EML4: variants seen among roughly 807,000 people sequenced by gnomAD.
EML4 encodes the protein EMAP like 4.
A neutral mutation model predicts 129.0 loss-of-function variants in EML4; 72 were observed. The ratio of observed to expected loss-of-function variants is 0.56; its 90% CI spans 0.46 to 0.68. EML4 has a LOEUF of 0.68. Ranked by LOEUF, EML4 falls within the 30% of genes least tolerant of loss-of-function variation. The probability of loss-of-function intolerance (pLI) is 0.00; values close to 1 mark genes in which losing one functional copy is unlikely to be tolerated. For synonymous variants in EML4, 532 were observed against 405.0 expected (o/e 1.31, Z -3.77); for missense variants, 1,363 against 1,190.6 (o/e 1.14, Z -2.13).
intron 21 of EML4, among the ~76,000 whole-genome samples, chr2:42,327,707 T>A (rs753148991): frequency 1.3e-5 from 2 of 152,228 alleles, no homozygotes; most frequent in Non-Finnish European, 2.9e-5. Context: ...GGTTAGAAGA[T>A]AGATGGAAAA....
At chr2:42,250,226 G>A (rs1675672678) in intron 2 of EML4, among the ~76,000 whole-genome samples, 1 of 152,192 alleles carries the variant, frequency 6.6e-6, no homozygotes, top group South Asian at 2.1e-4. Flanking sequence ...ATTGCCACTT[G>A]AGAAACGAAA....
chr2:42,217,407 T>TG (rs1673266527), intron 1 of EML4, among the ~76,000 whole-genome samples: 1 of 152,192 alleles, frequency 6.6e-6, no homozygotes, highest in South Asian at 2.1e-4. Context: ...AAAAAATTCT[T>TG]ATATAACCCA....
intron 6 of EML4, among the ~76,000 whole-genome samples, chr2:42,268,236 A>G (rs1328723703): frequency 6.6e-6 from 1 of 152,140 alleles, no homozygotes; most frequent in Non-Finnish European, 1.5e-5. Flanking sequence ...TTTTGTCATA[A>G]TTCCCTAAAC....
intron 1 of EML4, among the ~76,000 whole-genome samples, chr2:42,180,335 A>G (rs777282137): frequency 2.6e-5 from 4 of 152,158 alleles, no homozygotes; most frequent in African/African-American, 4.8e-5. Flanking sequence ...CAACAGACAT[A>G]TTTTGTTTGG....
chr2:42,257,640 C>T (rs552396092), intron 3 of EML4, among the ~76,000 whole-genome samples: 1 of 152,192 alleles, frequency 6.6e-6, no homozygotes, highest in East Asian at 1.9e-4. Context: ...TCGAGACCAT[C>T]CTGGCTAACA....
At chr2:42,300,719 T>G (rs1266187998) in intron 13 of EML4, among the ~76,000 whole-genome samples, 1 of 152,190 alleles carries the variant, frequency 6.6e-6, no homozygotes, top group Non-Finnish European at 1.5e-5. Flanking sequence ...CGTTAAACGT[T>G]GTGACTGTTA....
rs557371273 is a variant in EML4, at chr2:42,300,850, A to G, written c.1490-391A>G. Among the ~76,000 whole-genome samples the G allele has an allele frequency of 1.4e-4, 21 of 152,134 alleles. No individual in the cohort carries two copies. In the South Asian group the frequency reaches 4.2e-3, roughly 30 times the overall value. On this transcript the variant is annotated intron_variant, in intron 13 of 22. Transcript: ENST00000318522. The stretch of plus-strand genomic sequence containing the variant: ...GTGGTATCCCCTAAGCTGCTCCTGT[A>G]CCTCTTGTGTCTTGAGCTCTCATAT...
Position 42,288,332 on chromosome 2 carries a change from T to A in EML4, c.1218+10T>A. 7.2e-7 allele frequency: 1 copy of A among 1,383,254 alleles called. No individual in the cohort carries two copies. The highest frequency in any genetic ancestry group is 2.4e-5 in the East Asian group (1 of 42,342). 85.7% of individuals were successfully genotyped at this position (1,383,254 alleles called of 1,614,324 possible). A position where few individuals can be genotyped will look rare whatever the true frequency, so the allele number is the denominator to read the frequency against. On this transcript the variant is annotated intron_variant, in intron 11 of 22. Coordinates refer to ENST00000318522, the MANE Select transcript of EML4 (RefSeq NM_019063.5). ...AGGAGCAGAAATAAAGGTAAATTTT[T>A]AAAAAACCGAGTATTGTGTTTTAGA...
At chr2:42,288,077 A>G (rs1163153820) in intron 10 of EML4, 150 bp from the exon 11 acceptor site, 7 of 409,772 alleles carry the variant, frequency 1.7e-5, no homozygotes, top group Non-Finnish European at 2.6e-5. Context: ...AATTGTAGTA[A>G]ATAGTGTATT....
chr2:42,196,166 T>TCATTCAGTCATTAATGAGTGAATTAATA (rs1487728145), intron 1 of EML4, among the ~76,000 whole-genome samples: 3 of 152,220 alleles, frequency 2.0e-5, no homozygotes, highest in African/African-American at 2.4e-5. Flanking sequence ...ACCCTAGCGT[T>TCATTCAGTCATTAATGAGTGAATTAATA]CATTCAGTCA....
intron 1 of EML4, among the ~76,000 whole-genome samples, chr2:42,213,908 A>G (rs1433929573): frequency 6.6e-6 from 1 of 152,224 alleles, no homozygotes; most frequent in East Asian, 1.9e-4. Flanking sequence ...ATGCAGTTAT[A>G]ATTTGTAAGC....
chr2:42,247,371 A>C (rs2104310676), intron 2 of EML4, among the ~76,000 whole-genome samples: 1 of 152,304 alleles, frequency 6.6e-6, no homozygotes, highest in South Asian at 2.1e-4. Flanking sequence ...AGACATTTGA[A>C]AGAGATGCTG....
rs76197262 is a variant in EML4 at position 42,176,586 on chromosome 2, A to G, written c.25+6950A>G. 3.3e-3 allele frequency among the ~76,000 whole-genome samples: 507 copies of G among 152,254 alleles called. 12 individuals are homozygous for G. The East Asian group carries it at 0.076, about 23-fold the overall frequency. On this transcript the variant is annotated intron_variant, in intron 1 of 22. Coordinates refer to ENST00000318522, the MANE Select transcript of EML4 (RefSeq NM_019063.5). ...TGATGACTATTCTCAGTACCCTTCA[A>G]GGCTCAACTCAAATATTATTTCCTT...
chr2:42,296,477 T>TCTCTCTC (rs1553388818), intron 13 of EML4, among the ~76,000 whole-genome samples: 1 of 148,920 alleles, frequency 6.7e-6, no homozygotes, highest in Non-Finnish European at 1.5e-5. Flanking sequence ...CACCTTATAC[T>TCTCTCTC]TCTCTCTCTC....
At chr2:42,215,747 A>G (rs1480218552) in intron 1 of EML4, among the ~76,000 whole-genome samples, 3 of 152,166 alleles carry the variant, frequency 2.0e-5, no homozygotes, top group Non-Finnish European at 2.9e-5. Flanking sequence ...GGACGGTTAG[A>G]AAATATAAAG....
intron 17 of EML4, among the ~76,000 whole-genome samples, chr2:42,310,066 C>A (rs1668848777): frequency 6.6e-6 from 1 of 152,186 alleles, no homozygotes; most frequent in African/African-American, 2.4e-5. Context: ...TATTCAGTTA[C>A]AGCACCATTT....
intron 5 of EML4, among the ~76,000 whole-genome samples, chr2:42,264,027 C>T (rs1246654566): frequency 4.0e-5 from 6 of 151,768 alleles, no homozygotes; most frequent in Admixed American, 1.3e-4. Flanking sequence ...CCGTGCCAGC[C>T]TGGTGTATGT....
chr2:42,258,887 A>C (rs1665530323), intron 3 of EML4, among the ~76,000 whole-genome samples: 1 of 152,218 alleles, frequency 6.6e-6, no homozygotes, highest in Non-Finnish European at 1.5e-5. Flanking sequence ...ATTTATTTAA[A>C]ATGTTCTTGA....
intron 6 of EML4, 68 bp downstream of exon 6, chr2:42,264,799 A>G (rs1665958778): frequency 7.0e-7 from 1 of 1,420,506 alleles, no homozygotes; most frequent in Non-Finnish European, 9.7e-7. Context: ...AATTGAAAAG[A>G]ATATTTTCAT....
Sources: allele counts gnomAD v4.1 joint callset (sites outside exome capture counted in the v4.1 genomes callset), GRCh38; gene constraint gnomAD v4.1.1; transcripts MANE v1.5; gene names NCBI Gene and HGNC (gene_info 2026-07-23, HGNC 2026-07-21).